The following EIF3M variants were observed in gnomAD, a reference collection of about 807,000 sequenced individuals.
EIF3M encodes B5 receptor.
A neutral mutation model predicts 49.7 loss-of-function variants in EIF3M; 25 were observed. The observed-to-expected ratio is 0.50, with a 90% CI of 0.37 to 0.70. The LOEUF is 0.70. Ranked by LOEUF, EIF3M falls within the 30% of genes least tolerant of loss-of-function variation. The probability of loss-of-function intolerance (pLI) is 0.00; values close to 1 mark genes in which losing one functional copy is unlikely to be tolerated. For synonymous variants in EIF3M, 156 were observed against 149.8 expected, an observed-to-expected ratio of 1.04 and a Z score of -0.30; for missense variants, 350 against 440.0, an observed-to-expected ratio of 0.80 and a Z score of 1.83.
rs1487768200 is a variant in EIF3M, at chr11:32,601,794, G to C, written c.976G>C (p.Asp326His). The change falls in exon 10 of 11, where the codon GAT (aspartate) becomes CAT (histidine). Residue 326 changes from aspartate to histidine, a missense_variant. Transcript: ENST00000531120. ...VRTKMVYCKI[D>H]QTQRKVVVSH... ...AACTAAAATGGTCTACTGCAAAATT[G>C]ATCAGACCCAGAGAAAAGTAGTTGT... 6.2e-7 allele frequency: 1 copy of C among 1,612,588 alleles called. No homozygotes were observed. The highest frequency in any genetic ancestry group is 1.3e-5 in the African/African-American group (1 of 74,846).
intron 1 of EIF3M, chr11:32,584,348 C>T (rs907151553): frequency 5.8e-5 from 11 of 189,894 alleles, no homozygotes; most frequent in Admixed American, 5.2e-4. Flanking sequence ...TGGCTCACGC[C>T]TTTAATCCCA....
intron 5 of EIF3M, chr11:32,593,644 A>C: frequency 3.0e-6 from 1 of 338,418 alleles, no homozygotes; most frequent in South Asian, 1.4e-4. Context: ...GCTTTGATTA[A>C]ATCACCATTT....
chr11:32,603,222 T>TAAC lies in EIF3M; in HGVS notation c.*824_*826dup. On this transcript the variant is annotated 3_prime_UTR_variant, in exon 11 of 11. Coordinates refer to ENST00000531120, the MANE Select transcript of EIF3M (RefSeq NM_006360.6). ...GTAGATCTTCAAAATCTCTAATATA[T>TAAC]AACTGAAGTAAAGTGTACAAAAACT... is the stretch of plus-strand genomic sequence containing the variant. 2.1e-6 allele frequency: 1 copy of TAAC among 480,122 alleles called. No homozygotes were observed. Among genetic ancestry groups the TAAC allele is most frequent in the African/African-American group, 2.0e-5 (1 of 50,550 alleles). 29.7% of individuals were successfully genotyped at this position (480,122 alleles called of 1,614,324 possible).
Position 32,588,700 on chromosome 11 carries a change from C to A in EIF3M, c.282C>A (p.Arg94=). Residue 94 remains arginine (R), a synonymous_variant, in exon 3 of 11, where the codon CGC becomes CGA. Coordinates refer to ENST00000531120, the MANE Select transcript of EIF3M (RefSeq NM_006360.6). ...TATGTGAAAAGCTGGTCAAATTTCG[C>A]GAAGGTGAACGCCCGTCTCTGAGAC... is the stretch of plus-strand genomic sequence containing the variant. The part of the protein sequence containing the change: ...ESLCEKLVKF[R]EGERPSLRLQ... 6.2e-7 allele frequency: 1 copy of A among 1,614,136 alleles called. No homozygotes were observed. The highest frequency in any genetic ancestry group is 2.2e-5 in the East Asian group (1 of 44,876).
Position 32,602,351 on chromosome 11 carries a change from A to G in EIF3M, c.1077A>G (p.Gln359=), listed in dbSNP as rs151094802. ...QLYDTLNAWK[Q]NLNKVKNSLL... is the part of the protein sequence containing the mutation. ...ATGACACACTTAATGCCTGGAAACA[A>G]AATCTGAACAAAGTGAAAAACAGCC... is the stretch of plus-strand genomic sequence containing the variant. The change falls in exon 11 of 11, where the codon CAA becomes CAG. Residue 359 remains glutamine, a synonymous_variant. Coordinates refer to ENST00000531120, the MANE Select transcript of EIF3M (RefSeq NM_006360.6). 9.3e-6 allele frequency: 15 copies of G among 1,612,608 alleles called. No homozygotes were observed. In the African/African-American group the frequency reaches 1.9e-4, roughly 20 times the overall value.
Position 32,601,774 on chromosome 11 carries a change from A to G in EIF3M, c.956A>G (p.Lys319Arg). The G allele has an allele frequency of 4.3e-6, 7 of 1,612,758 alleles. No homozygotes were observed. The highest frequency in any genetic ancestry group is 5.9e-6 in the Non-Finnish European group (7 of 1,179,110). Residue 319 changes from lysine to arginine, a missense_variant, in exon 10 of 11, where the codon AAA becomes AGA. Transcript: ENST00000531120. ...CATCTTTTTTCAGCCGTAAGAACTAAAATGGTCTACTGCAAAATTGATCAG... is the reference window on the plus strand; with the variant it reads ...CATCTTTTTTCAGCCGTAAGAACTAGAATGGTCTACTGCAAAATTGATCAG... Reference protein sequence around the residue: ...EAFVIDAVRTKMVYCKIDQTQ... With the variant: ...EAFVIDAVRTRMVYCKIDQTQ...
chr11:32,599,729 CCTA>C (rs1231735267), intron 8 of EIF3M, among the ~76,000 whole-genome samples: 2 of 151,860 alleles, frequency 1.3e-5, no homozygotes, highest in Non-Finnish European at 2.9e-5. Flanking sequence ...GAATTCTGCT[CCTA>C]CTTAGGACTA....
intron 10 of EIF3M, 158 bp from the exon 11 acceptor site, chr11:32,602,120 GA>G (rs961255180): frequency 3.4e-6 from 4 of 1,178,308 alleles, no homozygotes; most frequent in African/African-American, 1.5e-5. Flanking sequence ...ATATGGTAAA[GA>G]TTTTTTTTAA....
chr11:32,602,882 A>C lies in EIF3M; in HGVS notation c.*483A>C. The C allele has an allele frequency of 6.2e-7, 1 of 1,611,942 alleles. No individual in the cohort carries two copies. The highest frequency in any genetic ancestry group is 8.5e-7 in the Non-Finnish European group (1 of 1,179,300). ...TTCTTTGGCTGGTTGTCATTTTCTAAACTTAGTAAATTTTCACTTTTATTT... is the reference window on the plus strand; with the variant it reads ...TTCTTTGGCTGGTTGTCATTTTCTACACTTAGTAAATTTTCACTTTTATTT... On this transcript the variant is annotated 3_prime_UTR_variant, in exon 11 of 11. Coordinates refer to ENST00000531120, the MANE Select transcript of EIF3M (RefSeq NM_006360.6).
In EIF3M at chr11:32,602,420, T is replaced by C; in HGVS notation, c.*21T>C. On this transcript the variant is annotated 3_prime_UTR_variant, in exon 11 of 11. Transcript: ENST00000531120. ...CCTGAGTTTTTATGCTTATAATTTT[T>C]GTTCTTTGAAAAAAAAGCCCTAAAT... 6.2e-7 allele frequency: 1 copy of C among 1,601,014 alleles called. No individual in the cohort carries two copies. The highest frequency in any genetic ancestry group is 8.5e-7 in the Non-Finnish European group (1 of 1,174,652).
intron 1 of EIF3M, among the ~76,000 whole-genome samples, chr11:32,585,159 C>A (rs1372327767): frequency 6.6e-6 from 1 of 151,930 alleles, no homozygotes; most frequent in Non-Finnish European, 1.5e-5. Flanking sequence ...AGGGAAAATG[C>A]AAAAGGCGGA....
chr11:32,591,191 C>T (rs1855096426), intron 5 of EIF3M, among the ~76,000 whole-genome samples: 1 of 152,168 alleles, frequency 6.6e-6, no homozygotes. Context: ...TAAGCCCTTA[C>T]ATGTCAGACA....
chr11:32,601,739 C>T (rs201586926), intron 9 of EIF3M, 23 bp from the exon 10 acceptor site: 26 of 1,603,356 alleles, frequency 1.6e-5, no homozygotes, highest in East Asian at 9.0e-5. Flanking sequence ...ATATAACATA[C>T]GATATAAAAC....
In EIF3M at chr11:32,605,437, G is replaced by A. The variant is rs1185669433; in HGVS notation, c.*3038G>A. 6.6e-6 allele frequency: 1 copy of A among 152,114 alleles called. No individual in the cohort carries two copies. Among genetic ancestry groups the A allele is most frequent in the Non-Finnish European group, 1.5e-5 (1 of 68,028 alleles). 9.4% of individuals were successfully genotyped at this position (152,114 alleles called of 1,614,324 possible). ...TTTCTGGGCTTCAGTTTACTCATTAGCTTCTTTTAGTTCCCAGATGCTATT... is the reference window on the plus strand; with the variant it reads ...TTTCTGGGCTTCAGTTTACTCATTAACTTCTTTTAGTTCCCAGATGCTATT... On this transcript the variant is annotated 3_prime_UTR_variant, in exon 11 of 11. Transcript: ENST00000531120.
chr11:32,601,914 A>G (rs963948043), intron 10 of EIF3M, 92 bp downstream of exon 10: 2 of 1,314,224 alleles, frequency 1.5e-6, no homozygotes, highest in Non-Finnish European at 2.2e-6. Context: ...AGGTGGTGTT[A>G]TCACTTGACT....
rs539298923 is a variant in EIF3M, at chr11:32,603,231, T to G, written c.*832T>G. The G allele has an allele frequency of 2.2e-4, 98 of 451,700 alleles. No individual in the cohort carries two copies. Among genetic ancestry groups the G allele is most frequent in the African/African-American group, 1.7e-3 (83 of 49,704 alleles). The allele number at this position is 451,700 out of a possible 1,614,324, so 28.0% of individuals were successfully genotyped here. On this transcript the variant is annotated 3_prime_UTR_variant, in exon 11 of 11. Transcript: ENST00000531120. ...CAAAATCTCTAATATATAACTGAAG[T>G]AAAGTGTACAAAAACTGCCTTTTAC...
intron 1 of EIF3M, chr11:32,584,217 C>T (rs1854955780): frequency 2.2e-6 from 1 of 464,656 alleles, no homozygotes; most frequent in Non-Finnish European, 3.8e-6. Flanking sequence ...GGAATGATGT[C>T]TGCTTCCGTC....
intron 2 of EIF3M, among the ~76,000 whole-genome samples, chr11:32,587,617 T>C (rs1208052183): frequency 1.3e-5 from 2 of 152,332 alleles, no homozygotes; most frequent in African/African-American, 4.8e-5. Context: ...TTAAGTGTTA[T>C]TACACTAAAT....
Position 32,595,929 on chromosome 11 carries a change from G to A in EIF3M, c.718-37G>A, listed in dbSNP as rs529945180. The A allele has an allele frequency of 4.5e-5, 62 of 1,364,424 alleles. No homozygotes were observed. In the South Asian group the frequency reaches 7.1e-4, roughly 16 times the overall value. The allele number at this position is 1,364,424 out of a possible 1,614,324, so 84.5% of individuals were successfully genotyped here. ...ATATCTTACAATAAATCTGAATTCT[G>A]TATTGATGGTATCTTTTTTGTCTCT... On this transcript the variant is annotated intron_variant, in intron 7 of 10. Transcript: ENST00000531120.
Sources: allele counts gnomAD v4.1 joint callset (sites outside exome capture counted in the v4.1 genomes callset), GRCh38; gene constraint gnomAD v4.1.1; transcripts MANE v1.5; gene names NCBI Gene and HGNC (gene_info 2026-07-23, HGNC 2026-07-21).